Variants in TENM1 observed in about 807,000 individuals in gnomAD.
TENM1 encodes the protein teneurin-1.
A neutral mutation model predicts 174.8 loss-of-function variants in TENM1; 35 were observed. That is an observed-to-expected ratio of 0.20 (90% CI 0.15 to 0.27). The LOEUF is 0.27. Among genes scored for constraint, TENM1 ranks in the 10% least tolerant of loss-of-function variants. The pLI, the probability that TENM1 is intolerant of heterozygous loss-of-function variation, is 1.00. For missense variants in TENM1, 1,633 were observed against 2,130.1 expected, an observed-to-expected ratio of 0.77 and a Z score of 4.59; for synonymous variants, 781 against 798.7, an observed-to-expected ratio of 0.98 and a Z score of 0.37.
chrX:125,010,770 C>T, the TENM1 span, among the ~76,000 whole-genome samples: 98 of 104,550 alleles, frequency 9.4e-4, no homozygotes, highest in Non-Finnish European at 1.6e-3. Flanking sequence ...GCCGAGATCG[C>T]GCCACTGCAC....
chrX:124,945,573 T>C (rs763923748), intron 1 of TENM1, among the ~76,000 whole-genome samples: 9 of 111,254 alleles, frequency 8.1e-5, no homozygotes, highest in Non-Finnish European at 1.7e-4. Flanking sequence ...GGATATATTT[T>C]GAAGACAGAG....
intron 11 of TENM1, among the ~76,000 whole-genome samples, chrX:124,637,143 G>A (rs1281706464): frequency 1.9e-5 from 2 of 105,178 alleles, no homozygotes; most frequent in Admixed American, 1.0e-4. Context: ...AGGCTGGAGC[G>A]CAGTGGCACG....
At chrX:124,408,436 G>A (rs1474766149) in intron 25 of TENM1, among the ~76,000 whole-genome samples, 1 of 111,464 alleles carries the variant, frequency 9.0e-6, no homozygotes, top group Non-Finnish European at 1.9e-5. Flanking sequence ...GAGCCACCAC[G>A]CCCGGCCCAC....
At chrX:124,458,283 T>G (rs937374580) in intron 22 of TENM1, among the ~76,000 whole-genome samples, 1 of 112,156 alleles carries the variant, frequency 8.9e-6, no homozygotes, top group African/African-American at 3.2e-5. Context: ...CCCAAGTTAC[T>G]TATGCATAAT....
intron 3 of TENM1, among the ~76,000 whole-genome samples, chrX:124,825,781 G>A (rs1603232039): frequency 8.9e-6 from 1 of 111,947 alleles, no homozygotes; most frequent in East Asian, 2.8e-4. Context: ...GTCTCCTTCA[G>A]AAGGGCCTGT....
chrX:124,936,959 T>C (rs2058253944), intron 1 of TENM1, among the ~76,000 whole-genome samples: 1 of 109,586 alleles, frequency 9.1e-6, no homozygotes, highest in African/African-American at 3.3e-5. Context: ...GGAAGGAGAA[T>C]TGCTTGACCC....
At chrX:124,539,193 C>T (rs764150372) in intron 15 of TENM1, among the ~76,000 whole-genome samples, 1 of 111,707 alleles carries the variant, frequency 9.0e-6, no homozygotes, top group African/African-American at 3.2e-5. Flanking sequence ...CAGCAGGCTC[C>T]AGTTTCTGTT....
chrX:124,438,194 G>T (rs757239364), intron 23 of TENM1, among the ~76,000 whole-genome samples: 18 of 111,324 alleles, frequency 1.6e-4, no homozygotes, highest in Non-Finnish European at 3.4e-4. Flanking sequence ...TCCCAAAGTG[G>T]TGGGATTACA....
chrX:125,107,979 T>C, the TENM1 span, among the ~76,000 whole-genome samples: 1 of 112,177 alleles, frequency 8.9e-6, no homozygotes, highest in Non-Finnish European at 1.9e-5. Context: ...GTCTAGTGAC[T>C]ACCTTCAGTC....
At chrX:124,769,644 T>C (rs549390981) in intron 3 of TENM1, among the ~76,000 whole-genome samples, 2 of 112,329 alleles carry the variant, frequency 1.8e-5, no homozygotes, top group Admixed American at 1.9e-4. Context: ...TGTCAGTACA[T>C]TTATGATACT....
the TENM1 span, among the ~76,000 whole-genome samples, chrX:124,978,536 G>A: frequency 8.9e-6 from 1 of 111,921 alleles, no homozygotes; most frequent in Middle Eastern, 4.6e-3. Flanking sequence ...TCTTTATGTA[G>A]TCACTTGCCT....
chrX:124,899,709 G>A (rs1169830718), intron 1 of TENM1, among the ~76,000 whole-genome samples: 3 of 111,766 alleles, frequency 2.7e-5, no homozygotes, highest in African/African-American at 3.3e-5. Context: ...ACTGCTTTCC[G>A]CAATGGTTGA....
rs1256648289 is a variant in TENM1, at chrX:124,793,292, C to A, written c.536-56095G>T. 3.6e-5 allele frequency among the ~76,000 whole-genome samples: 4 copies of A among 110,392 alleles called. No homozygotes were observed. The Admixed American group carries it at 3.9e-4, about 11-fold the overall frequency. Reference sequence around the variant, plus strand: ...GTAATTATTTTTAAGGGGCAAAGGGCTAAGAAATATGAGAAAATAAAAATG... The same window carrying A: ...GTAATTATTTTTAAGGGGCAAAGGGATAAGAAATATGAGAAAATAAAAATG... On this transcript the variant is annotated intron_variant, in intron 3 of 31. Transcript: ENST00000422452.
At chrX:124,924,221 CT>C (rs2058061681) in intron 1 of TENM1, among the ~76,000 whole-genome samples, 1 of 111,651 alleles carries the variant, frequency 9.0e-6, no homozygotes, top group African/African-American at 3.3e-5. Context: ...TTTACTGGTA[CT>C]TTTATTTTAT....
At chrX:124,732,341 A>C (rs2053583245) in intron 4 of TENM1, among the ~76,000 whole-genome samples, 1 of 111,871 alleles carries the variant, frequency 8.9e-6, no homozygotes, top group Non-Finnish European at 1.9e-5. Context: ...TAATTAGAAC[A>C]AGAGAGGTGG....
intron 11 of TENM1, among the ~76,000 whole-genome samples, chrX:124,588,339 T>C (rs866491176): frequency 5.4e-5 from 6 of 111,615 alleles, no homozygotes; most frequent in Non-Finnish European, 1.1e-4. Context: ...GGCACATATA[T>C]GCCATGGAAT....
the TENM1 span, among the ~76,000 whole-genome samples, chrX:125,162,452 C>T: frequency 9.0e-6 from 1 of 111,500 alleles, no homozygotes; most frequent in Admixed American, 9.5e-5. Context: ...ACCAATGTGC[C>T]AAATCCAGGT....
chrX:124,935,195 T>C (rs1156724315), intron 1 of TENM1, among the ~76,000 whole-genome samples: 1 of 106,864 alleles, frequency 9.4e-6, no homozygotes, highest in African/African-American at 3.4e-5. Context: ...TAAGTGGCTA[T>C]ACTAGATGAT....
chrX:124,877,811 G>A (rs778153085), intron 3 of TENM1, among the ~76,000 whole-genome samples: 16 of 111,629 alleles, frequency 1.4e-4, no homozygotes, highest in Middle Eastern at 4.7e-3. Flanking sequence ...GTGGTCTGCT[G>A]TTGAGTGGAA....
Sources: gnomAD v4.1 joint callset for allele counts (sites outside exome capture counted in the v4.1 genomes callset) on GRCh38, gnomAD v4.1.1 for gene constraint, MANE v1.5 for transcripts, NCBI Gene and HGNC (gene_info 2026-07-23, HGNC 2026-07-21) for gene names.